Variants in WDR75 observed in about 807,000 individuals in gnomAD.
WDR75 encodes the protein WD repeat-containing protein 75.
A neutral mutation model predicts 106.1 loss-of-function variants in WDR75; 52 were observed. The ratio of observed to expected loss-of-function variants is 0.49; its 90% CI spans 0.39 to 0.62. WDR75 has a LOEUF of 0.62. Ranked by LOEUF, WDR75 falls within the 20% of genes least tolerant of loss-of-function variation. The pLI is 0.00. For synonymous variants in WDR75, 333 were observed against 335.5 expected, an observed-to-expected ratio of 0.99 and a Z score of 0.08; for missense variants, 905 against 970.3, an observed-to-expected ratio of 0.93 and a Z score of 0.89.
intron 4 of WDR75, among the ~76,000 whole-genome samples, chr2:189,452,538 G>GGTGACAGA (rs551691506): frequency 0.063 from 9,441 of 150,530 alleles, 472 homozygotes; most frequent in African/African-American, 0.13. Flanking sequence ...CTCCAGCCTG[G>GGTGACAGA]GTGAGACTCT....
rs1240609630 is a variant in WDR75, at chr2:189,441,481, T to G, written c.-12T>G. On this transcript the variant is annotated 5_prime_UTR_variant, in exon 1 of 21. Coordinates refer to ENST00000314761, the MANE Select transcript of WDR75 (RefSeq NM_032168.3). ...CGGGACCAGAGATTGGCCATTCCGC[T>G]ACTGCGCAAAGATGGTGGAGGAGGA... 1 of 1,557,202 alleles carries G rather than the reference T, an allele frequency of 6.4e-7. No homozygotes were observed. The highest frequency in any genetic ancestry group is 1.9e-5 in the Admixed American group (1 of 51,782).
intron 4 of WDR75, chr2:189,452,138 T>A (rs905363635): frequency 2.4e-5 from 9 of 380,652 alleles, no homozygotes; most frequent in Non-Finnish European, 3.3e-5. Context: ...ATTTTAAATC[T>A]GCTTTACAAA....
intron 8 of WDR75, among the ~76,000 whole-genome samples, chr2:189,460,346 A>G (rs780788172): frequency 6.6e-6 from 1 of 152,140 alleles, no homozygotes. Flanking sequence ...AGGAAATAGG[A>G]GACACCTTCA....
At chr2:189,461,519 A>G (rs948136224) in intron 8 of WDR75, among the ~76,000 whole-genome samples, 1 of 152,046 alleles carries the variant, frequency 6.6e-6, no homozygotes, top group African/African-American at 2.4e-5. Context: ...TTTTCACTAG[A>G]CATTTGATGG....
rs13034784 is a variant in WDR75, at chr2:189,441,483, C to T, written c.-10C>T. 6.4e-7 allele frequency: 1 copy of T among 1,557,918 alleles called. No homozygotes were observed. The highest frequency in any genetic ancestry group is 8.7e-7 in the Non-Finnish European group (1 of 1,149,890). On this transcript the variant is annotated 5_prime_UTR_variant, in exon 1 of 21. Transcript: ENST00000314761. ...GGACCAGAGATTGGCCATTCCGCTA[C>T]TGCGCAAAGATGGTGGAGGAGGAGA...
intron 8 of WDR75, 38 bp from the exon 9 acceptor site, chr2:189,462,446 A>C: frequency 6.3e-7 from 1 of 1,594,116 alleles, no homozygotes; most frequent in Non-Finnish European, 8.5e-7. Flanking sequence ...TTTTTCCTCA[A>C]AACACCATCC....
rs779206867 is a variant in WDR75 at position 189,458,887 on chromosome 2, GA to G, written c.689+17del. ...ATTCGTCTTTGGTCAGTTTGCTCATGAAGAGCATGGCGATCATTTATGTACT... is the reference window on the plus strand; with the variant it reads ...ATTCGTCTTTGGTCAGTTTGCTCATGAGAGCATGGCGATCATTTATGTACT... On this transcript the variant is annotated intron_variant, in intron 7 of 20. Coordinates refer to ENST00000314761, the MANE Select transcript of WDR75 (RefSeq NM_032168.3). 4.1e-5 allele frequency: 65 copies of G among 1,597,164 alleles called. No individual in the cohort carries two copies. The East Asian group carries it at 1.2e-3, about 30-fold the overall frequency.
intron 17 of WDR75, 58 bp from the exon 18 acceptor site, chr2:189,470,761 C>A: frequency 7.2e-7 from 1 of 1,384,084 alleles, no homozygotes; most frequent in Admixed American, 2.5e-5. Flanking sequence ...CCTGTAACAC[C>A]TTGTTTAGAT....
Position 189,441,476 on chromosome 2 carries a change from TCCGC to T in WDR75, c.-16_-13del. On this transcript the variant is annotated 5_prime_UTR_variant, in exon 1 of 21. Transcript: ENST00000314761. ...CAGGGCGGGACCAGAGATTGGCCAT[TCCGC>T]TACTGCGCAAAGATGGTGGAGGAGG... is the stretch of plus-strand genomic sequence containing the variant. 6.4e-7 allele frequency: 1 copy of T among 1,555,526 alleles called. No individual in the cohort carries two copies. Among genetic ancestry groups the T allele is most frequent in the South Asian group, 1.2e-5 (1 of 84,302 alleles).
At chr2:189,460,489 CTG>C (rs1686855370) in intron 8 of WDR75, among the ~76,000 whole-genome samples, 1 of 151,516 alleles carries the variant, frequency 6.6e-6, no homozygotes, top group African/African-American at 2.4e-5. Context: ...ATGTATGTGT[CTG>C]TATATGTTCC....
At chr2:189,442,213 T>C (rs1358610730) in intron 1 of WDR75, among the ~76,000 whole-genome samples, 1 of 152,126 alleles carries the variant, frequency 6.6e-6, no homozygotes, top group East Asian at 1.9e-4. Context: ...CAATATTTAG[T>C]TCATCTCACG....
intron 6 of WDR75, among the ~76,000 whole-genome samples, chr2:189,457,629 G>C (rs946864540): frequency 2.6e-5 from 4 of 152,120 alleles, no homozygotes; most frequent in Admixed American, 1.3e-4. Context: ...TGCATTCTTG[G>C]AGTCAAAGTT....
intron 13 of WDR75, among the ~76,000 whole-genome samples, chr2:189,466,975 T>C (rs1338197197): frequency 6.6e-6 from 1 of 152,102 alleles, no homozygotes; most frequent in Non-Finnish European, 1.5e-5. Flanking sequence ...TTTGTGTCTT[T>C]GTTTCTTTTT....
chr2:189,448,357 C>A, intron 1 of WDR75, 22 bp from the exon 2 acceptor site: 2 of 1,603,740 alleles, frequency 1.2e-6, no homozygotes, highest in South Asian at 1.1e-5. Flanking sequence ...GTAAAACTTA[C>A]TTTTCTTTCT....
chr2:189,475,371 T>C lies in WDR75; in HGVS notation c.2447T>C (p.Leu816Pro), dbSNP rs1574208063. The C allele has an allele frequency of 6.2e-7, 1 of 1,612,412 alleles. No homozygotes were observed. The highest frequency in any genetic ancestry group is 1.1e-5 in the South Asian group (1 of 90,662). The change falls in exon 21 of 21, where the codon CTG becomes CCG. Residue 816 changes from leucine (L) to proline (P), a missense_variant. Transcript: ENST00000314761. ...TTGTCAAAATCTGAAGAAAAAGAAC[T>C]GAGAAAATTTAGGAAAATAGACTAC... The part of the protein sequence containing the change: ...HQLSKSEEKE[L>P]RKFRKIDYSW...
chr2:189,447,597 G>T (rs769733337), intron 1 of WDR75, among the ~76,000 whole-genome samples: 64 of 152,154 alleles, frequency 4.2e-4, no homozygotes, highest in South Asian at 1.2e-3. Flanking sequence ...TAATGAGCAG[G>T]CAACTTGGTT....
Position 189,459,434 on chromosome 2 carries a change from G to A in WDR75, c.778+10G>A, listed in dbSNP as rs746405901. On this transcript the variant is annotated intron_variant, in intron 8 of 20. Transcript: ENST00000314761. ...GCTTTTTCAGTGACAGGTAAGTGCG[G>A]GTTTAATTATTAAAATGAACTTTTG... 7.5e-6 allele frequency: 12 copies of A among 1,601,866 alleles called. No individual in the cohort carries two copies. The Admixed American group carries it at 1.9e-4, about 25-fold the overall frequency.
rs766190814 is a variant in WDR75 at position 189,455,462 on chromosome 2, C to A, written c.498+18C>A. The A allele has an allele frequency of 1.9e-6, 3 of 1,599,354 alleles. No homozygotes were observed. The highest frequency in any genetic ancestry group is 2.3e-5 in the South Asian group (2 of 88,686). ...GAAACGAGGTAAATTTTGTTTTGTTCGTTTTCTGTTTTGTACCTAAAATTT... is the reference window on the plus strand; with the variant it reads ...GAAACGAGGTAAATTTTGTTTTGTTAGTTTTCTGTTTTGTACCTAAAATTT... On this transcript the variant is annotated intron_variant, in intron 5 of 20. Transcript: ENST00000314761.
chr2:189,461,037 G>A (rs1005271020), intron 8 of WDR75, among the ~76,000 whole-genome samples: 4 of 152,050 alleles, frequency 2.6e-5, no homozygotes, highest in Admixed American at 6.5e-5. Context: ...TATCATATAT[G>A]TGTATATATC....
Sources: gnomAD v4.1 joint callset for allele counts (sites outside exome capture counted in the v4.1 genomes callset) on GRCh38, gnomAD v4.1.1 for gene constraint, MANE v1.5 for transcripts, NCBI Gene and HGNC (gene_info 2026-07-23, HGNC 2026-07-21) for gene names.